The following ADAMTS17 variants were observed in gnomAD, a reference collection of about 807,000 sequenced individuals.
ADAMTS17 encodes the protein A disintegrin and metalloproteinase with thrombospondin motifs 17.
A neutral mutation model predicts 141.5 loss-of-function variants in ADAMTS17; 113 were observed. That is an observed-to-expected ratio of 0.80 (90% CI 0.69 to 0.93). The LOEUF (loss-of-function observed/expected upper bound fraction) is 0.93. Among genes scored for constraint, ADAMTS17 ranks in the 40% least tolerant of loss-of-function variants. ADAMTS17 has a pLI of 0.00. For synonymous variants in ADAMTS17, 768 were observed against 630.6 expected (o/e 1.22, Z -3.27); for missense variants, 1,659 against 1,517.9 (o/e 1.09, Z -1.54).
rs941903687 is a variant in ADAMTS17, at chr15:99,993,952, C to T, written c.2797-752G>A. On this transcript the variant is annotated intron_variant, in intron 19 of 21. Transcript: ENST00000268070. The surrounding 1 kb of genome is among the most constrained non-coding windows in gnomAD (Gnocchi z 4.3). ...CAGGATTCCCAGCAGCAAGAAGGAG[C>T]GAAGAGGCAGGGGGCATGACAGGGT... 2.0e-5 allele frequency among the ~76,000 whole-genome samples: 3 copies of T among 152,082 alleles called. No individual in the cohort carries two copies. Among genetic ancestry groups the T allele is most frequent in the African/African-American group, 7.2e-5 (3 of 41,402 alleles).
chr15:100,124,908 T>G (rs577143211), intron 12 of ADAMTS17, among the ~76,000 whole-genome samples: 2 of 152,194 alleles, frequency 1.3e-5, no homozygotes, highest in African/African-American at 4.8e-5. Context: ...AAAGGTTTGC[T>G]GAGACCAACA....
In ADAMTS17 at chr15:100,004,982, C is replaced by T. The variant is rs868609490; in HGVS notation, c.2592-7393G>A. 1.1e-4 allele frequency among the ~76,000 whole-genome samples: 16 copies of T among 152,350 alleles called. No individual in the cohort carries two copies. The Middle Eastern group carries it at 0.014, about 130-fold the overall frequency. On this transcript the variant is annotated intron_variant, in intron 18 of 21. Coordinates refer to ENST00000268070, the MANE Select transcript of ADAMTS17 (RefSeq NM_139057.4). ...TGTATGCCAGGCTGGTCTTGAACTC[C>T]TGGCATCAAGTGATCTGCCTGCCTC...
intron 15 of ADAMTS17, among the ~76,000 whole-genome samples, chr15:100,091,010 C>CAACAAAAA (rs1555446585): frequency 3.7e-5 from 2 of 54,612 alleles, no homozygotes; most frequent in East Asian, 5.6e-4. Flanking sequence ...TCCGTCTCAA[C>CAACAAAAA]AAAAAAAAAA....
chr15:100,320,017 G>C (rs2045683634), intron 3 of ADAMTS17, among the ~76,000 whole-genome samples: 1 of 152,168 alleles, frequency 6.6e-6, no homozygotes, highest in Non-Finnish European at 1.5e-5. Context: ...AAAGACAGCA[G>C]TGGAAAAGAA....
At chr15:100,176,161 C>G (rs77683032) in intron 8 of ADAMTS17, among the ~76,000 whole-genome samples, 5,857 of 152,248 alleles carry the variant, frequency 0.038, 187 homozygotes, top group East Asian at 0.17. Context: ...GAAAGGAGGC[C>G]TAACGACAGC....
At chr15:100,016,566 G>A (rs2061293335) in intron 18 of ADAMTS17, among the ~76,000 whole-genome samples, 1 of 152,226 alleles carries the variant, frequency 6.6e-6, no homozygotes, top group South Asian at 2.1e-4. Flanking sequence ...TTCCCTTGAT[G>A]GAGTACTCTG....
At chr15:100,207,830 G>C (rs1405134148) in intron 7 of ADAMTS17, among the ~76,000 whole-genome samples, 1 of 152,116 alleles carries the variant, frequency 6.6e-6, no homozygotes, top group Non-Finnish European at 1.5e-5. Flanking sequence ...AGAGAATCAT[G>C]ACAACATGCC....
At chr15:100,007,947 G>T (rs2061070292) in intron 18 of ADAMTS17, among the ~76,000 whole-genome samples, 1 of 152,152 alleles carries the variant, frequency 6.6e-6, no homozygotes, top group South Asian at 2.1e-4. Flanking sequence ...TGGGGGGAAT[G>T]ACAGCCTCCA....
At chr15:100,132,563 C>T (rs1342902582) in intron 11 of ADAMTS17, among the ~76,000 whole-genome samples, 2 of 152,226 alleles carry the variant, frequency 1.3e-5, no homozygotes, top group Non-Finnish European at 2.9e-5. Context: ...GCACAGCCAG[C>T]TCCACGTGAG....
chr15:99,996,886 C>G lies in ADAMTS17; in HGVS notation c.2796+499G>C, dbSNP rs116561293. 3.0e-3 allele frequency among the ~76,000 whole-genome samples: 462 copies of G among 152,252 alleles called. 2 individuals carry two copies. Among genetic ancestry groups the G allele is most frequent in the African/African-American group, 0.01 (433 of 41,542 alleles). On this transcript the variant is annotated intron_variant, in intron 19 of 21. Coordinates refer to ENST00000268070, the MANE Select transcript of ADAMTS17 (RefSeq NM_139057.4). The stretch of plus-strand genomic sequence containing the variant: ...AAATTGTACTCCCAGGACCAACCTT[C>G]AAAGTTAAGACTTAAGGCTTAATCC...
intron 8 of ADAMTS17, among the ~76,000 whole-genome samples, chr15:100,164,790 G>A (rs970721541): frequency 3.9e-5 from 6 of 152,104 alleles, no homozygotes; most frequent in African/African-American, 4.8e-5. Flanking sequence ...TAGCAGATGT[G>A]GTTTAGGGAC....
intron 20 of ADAMTS17, among the ~76,000 whole-genome samples, chr15:99,987,237 C>G (rs146801732): frequency 6.6e-6 from 1 of 152,324 alleles, no homozygotes; most frequent in African/African-American, 2.4e-5. Context: ...ATGGGGATAT[C>G]GAAGCTTCCA....
intron 7 of ADAMTS17, among the ~76,000 whole-genome samples, chr15:100,235,136 G>C (rs576128293): frequency 2.6e-5 from 4 of 152,296 alleles, no homozygotes; most frequent in African/African-American, 9.6e-5. Context: ...GAGATAGGAT[G>C]CAGGAGGTGC....
chr15:100,267,415 A>G (rs758616703), intron 4 of ADAMTS17, among the ~76,000 whole-genome samples: 2 of 152,210 alleles, frequency 1.3e-5, no homozygotes, highest in Non-Finnish European at 2.9e-5. Flanking sequence ...TCGTTCGGCC[A>G]TTGTGAGTAA....
At chr15:100,245,720 C>G (rs898926874) in intron 7 of ADAMTS17, among the ~76,000 whole-genome samples, 3 of 152,236 alleles carry the variant, frequency 2.0e-5, no homozygotes, top group Middle Eastern at 3.4e-3. Context: ...TTTTGTTGTT[C>G]CCAGGGCAGA....
chr15:100,058,222 C>CCCTCCTATCCCGGCTCTT (rs2032781341), intron 15 of ADAMTS17, among the ~76,000 whole-genome samples: 1 of 11,632 alleles, frequency 8.6e-5, no homozygotes, highest in South Asian at 3.6e-3. Context: ...ATTCCGGCTC[C>CCCTCCTATCCCGGCTCTT]AACACTCCTA....
chr15:100,186,373 ATAC>A (rs1238107772), intron 8 of ADAMTS17, among the ~76,000 whole-genome samples: 1 of 152,176 alleles, frequency 6.6e-6, no homozygotes, highest in Non-Finnish European at 1.5e-5. Flanking sequence ...TAAAATGCAA[ATAC>A]TACTACTATT....
Position 100,152,601 on chromosome 15 carries a change from C to T in ADAMTS17, c.1473+11G>A, listed in dbSNP as rs373137334. 151 of 1,613,264 alleles carry T rather than the reference C, an allele frequency of 9.4e-5. No individual in the cohort carries two copies. Among genetic ancestry groups the T allele is most frequent in the Middle Eastern group, 6.6e-4 (4 of 6,062 alleles). On this transcript the variant is annotated intron_variant, in intron 10 of 21. Transcript: ENST00000268070. ...GCTCTGTCCCGAGCCAGCCCTCCCA[C>T]GGCTGCTTACCTCCATGTTTCTGCA...
intron 10 of ADAMTS17, among the ~76,000 whole-genome samples, chr15:100,143,959 C>T (rs2038779086): frequency 6.6e-6 from 1 of 152,234 alleles, no homozygotes; most frequent in Non-Finnish European, 1.5e-5. Flanking sequence ...AGAAGGTCCA[C>T]ATTTAAAATT....
Sources: gnomAD v4.1 joint callset for allele counts (sites outside exome capture counted in the v4.1 genomes callset) on GRCh38, gnomAD v4.1.1 for gene constraint, Gnocchi (gnomAD v3.1) non-coding constraint, MANE v1.5 for transcripts, NCBI Gene and HGNC (gene_info 2026-07-23, HGNC 2026-07-21) for gene names.